Variants in KDM3A observed in about 807,000 individuals in gnomAD.
KDM3A encodes lysine-specific demethylase 3A.
KDM3A carries 60 observed loss-of-function variants against 158.0 expected under a neutral mutation model. That is an observed-to-expected ratio of 0.38 (90% CI 0.31 to 0.47). KDM3A has a LOEUF of 0.47. Ranked by LOEUF, KDM3A falls within the 20% of genes least tolerant of loss-of-function variation. The pLI, the probability that KDM3A is intolerant of heterozygous loss-of-function variation, is 0.99. For missense variants in KDM3A, 1,319 were observed against 1,574.3 expected (o/e 0.84, Z 2.74); for synonymous variants, 608 against 549.3 (o/e 1.11, Z -1.49).
chr2:86,486,058 A>G (rs563655057), intron 21 of KDM3A, among the ~76,000 whole-genome samples, 199 bp downstream of exon 21: 3 of 152,228 alleles, frequency 2.0e-5, no homozygotes, highest in Non-Finnish European at 4.4e-5. Flanking sequence ...GTTGTAGGGC[A>G]TATGCAATTT....
intron 8 of KDM3A, among the ~76,000 whole-genome samples, chr2:86,458,478 A>C (rs1421416344): frequency 1.3e-5 from 2 of 152,228 alleles, no homozygotes; most frequent in Non-Finnish European, 2.9e-5. Context: ...ACATCCATCC[A>C]AGAAACCATA....
chr2:86,440,308 T>C (rs950607648), upstream of KDM3A, among the ~76,000 whole-genome samples: 3 of 152,230 alleles, frequency 2.0e-5, no homozygotes, highest in Non-Finnish European at 4.4e-5. Context: ...GATTATACGT[T>C]TCCACGCTTG....
Position 86,466,356 on chromosome 2 carries a change from A to G in KDM3A, c.1008-16A>G, listed in dbSNP as rs753268629. ...AAAGAGGCCTGGATGCTAGCTTTCT[A>G]TATTATATTTTTCAGATGTCATAAA... On this transcript the variant is annotated splice_polypyrimidine_tract_variant and intron_variant, in intron 9 of 25. Transcript: ENST00000312912. The G allele has an allele frequency of 4.3e-5, 69 of 1,593,406 alleles. No individual in the cohort carries two copies. Among genetic ancestry groups the G allele is most frequent in the Non-Finnish European group, 5.0e-5 (59 of 1,171,078 alleles).
chr2:86,442,361 G>T, intron 2 of KDM3A, 128 bp downstream of exon 2: 1 of 865,106 alleles, frequency 1.2e-6, no homozygotes, highest in Non-Finnish European at 1.8e-6. Flanking sequence ...GAAGGTGCAG[G>T]AAGCTAGATC....
chr2:86,475,057 A>G (rs963856955), intron 12 of KDM3A, 67 bp downstream of exon 12: 14 of 1,254,394 alleles, frequency 1.1e-5, no homozygotes, highest in South Asian at 7.9e-5. Flanking sequence ...AGTGACACCT[A>G]AGTCCTAATT....
At position 86,466,418 on chromosome 2, in the gene KDM3A, A is replaced by T. The variant is rs993305252; in HGVS notation, c.1054A>T (p.Thr352Ser). 6.2e-7 allele frequency: 1 copy of T among 1,613,542 alleles called. No individual in the cohort carries two copies. Residue 352 changes from threonine to serine, a missense_variant, in exon 10 of 26, where the codon ACA (threonine) becomes TCA (serine). By Grantham distance (58) the Thr-to-Ser change is moderately conservative. This residue lies in a region of KDM3A where 652 missense variants were observed against 627.2 expected (regional missense o/e 1.04). Transcript: ENST00000312912. ...LPEEISSCLNTKSEALRTKPD... is the reference protein window; with the variant it reads ...LPEEISSCLNSKSEALRTKPD... The stretch of plus-strand genomic sequence containing the variant: ...AGAGGAAATTTCTTCCTGTCTAAAT[A>T]CAAAGTCTGAAGCTCTGAGAACAAA...
chr2:86,456,416 A>ATTTTT (rs11431031), intron 5 of KDM3A, 26 bp from the exon 6 acceptor site: 103 of 1,057,662 alleles, frequency 9.7e-5, no homozygotes, highest in South Asian at 4.2e-4. Flanking sequence ...TTGCTCTAAG[A>ATTTTT]TTTTTTTTTT....
At chr2:86,470,099 A>C (rs1468099801) in intron 10 of KDM3A, 105 bp from the exon 11 acceptor site, 26 of 830,512 alleles carry the variant, frequency 3.1e-5, no homozygotes, top group Non-Finnish European at 5.1e-5. Context: ...TTGAGAAGGG[A>C]GTTCTCTTTA....
chr2:86,480,249 G>A lies in KDM3A; in HGVS notation c.2399G>A (p.Gly800Glu), dbSNP rs757243990. The A allele has an allele frequency of 5.6e-6, 9 of 1,613,662 alleles. No individual in the cohort carries two copies. In the East Asian group the frequency reaches 2.0e-4, roughly 36 times the overall value. The change falls in exon 16 of 26, where the codon GGG (glycine) becomes GAG (glutamate). Residue 800 changes from glycine to glutamate, a missense_variant. Physicochemically the swap from Gly to Glu is moderately conservative, Grantham distance 98. This residue lies in a region of KDM3A where 368 missense variants were observed against 415.8 expected (regional missense o/e 0.89). Coordinates refer to ENST00000312912, the MANE Select transcript of KDM3A (RefSeq NM_018433.6). ...GTGTTGGAGCCAGCAGCTGTGGGTG[G>A]GGAAGCAGCCTCCAAGCCAGCCGGC... ...PSVLEPAAVG[G>E]EAASKPAGSM...
At chr2:86,440,086 T>C (rs1573125687), upstream of KDM3A, among the ~76,000 whole-genome samples, 8 of 152,240 alleles carry the variant, frequency 5.3e-5, no homozygotes, top group South Asian at 1.7e-3. Context: ...TTTGCTTATC[T>C]CGTTCCCATT....
rs1422328120 is a variant in KDM3A, at chr2:86,466,752, G to A, written c.1388G>A (p.Ser463Asn). Residue 463 changes from serine to asparagine, a missense_variant, in exon 10 of 26, where the codon AGC becomes AAC. Transcript: ENST00000312912. ...PEVKAGVNSD[S>N]PNNCSGKKVE... ...GTGAAAGCAGGTGTCAATAGTGATAGCCCTAATAACTGTTCAGGAAAAAAG... is the reference window on the plus strand; with the variant it reads ...GTGAAAGCAGGTGTCAATAGTGATAACCCTAATAACTGTTCAGGAAAAAAG... 6.2e-7 allele frequency: 1 copy of A among 1,613,730 alleles called. No individual in the cohort carries two copies. Among genetic ancestry groups the A allele is most frequent in the Admixed American group, 1.7e-5 (1 of 59,944 alleles).
chr2:86,472,853 C>T (rs1673480215), intron 11 of KDM3A, among the ~76,000 whole-genome samples: 1 of 152,186 alleles, frequency 6.6e-6, no homozygotes, highest in Non-Finnish European at 1.5e-5. Flanking sequence ...TCTAATTAGT[C>T]TATTGCCACC....
chr2:86,458,190 G>C (rs1441310403), intron 8 of KDM3A, among the ~76,000 whole-genome samples: 1 of 152,210 alleles, frequency 6.6e-6, no homozygotes, highest in African/African-American at 2.4e-5. Flanking sequence ...GCATCGACTA[G>C]AACCAAAGCT....
chr2:86,482,183 T>A, intron 17 of KDM3A, 81 bp downstream of exon 17: 1 of 1,452,148 alleles, frequency 6.9e-7, no homozygotes, highest in Non-Finnish European at 9.6e-7. Flanking sequence ...GAACTGAAAG[T>A]AGAAAGGAGA....
chr2:86,484,122 G>C lies in KDM3A; in HGVS notation c.3058G>C (p.Val1020Leu), dbSNP rs1674068957. 1 of 1,613,978 alleles carries C rather than the reference G, an allele frequency of 6.2e-7. No individual in the cohort carries two copies. The highest frequency in any genetic ancestry group is 1.1e-5 in the South Asian group (1 of 91,064). ...RTNEIITGAT[V>L]GDFWDGFEDV... is the part of the protein sequence containing the mutation. ...CAATGAAATCATCACAGGAGCCACA[G>C]TAGGAGACTTCTGGGATGGATTTGA... Residue 1020 changes from valine to leucine, a missense_variant, in exon 19 of 26, where the codon GTA (valine) becomes CTA (leucine). Physicochemically the swap from Val to Leu is conservative, Grantham distance 32. Transcript: ENST00000312912.
chr2:86,457,359 T>C (rs945194069), intron 8 of KDM3A, among the ~76,000 whole-genome samples: 12 of 152,200 alleles, frequency 7.9e-5, no homozygotes, highest in Middle Eastern at 6.8e-3. Context: ...GGTCTTGAAT[T>C]CCTGGGCTCA....
At chr2:86,491,772 C>G (rs955335978) in intron 25 of KDM3A, 1 of 410,642 alleles carries the variant, frequency 2.4e-6, no homozygotes, top group African/African-American at 2.0e-5. Context: ...TGGAACTTGC[C>G]TCTCCCTGTA....
chr2:86,478,244 ACACAGAT>A lies in KDM3A; in HGVS notation c.2170_2176del (p.Gln724PhefsTer16). ...ACATGAACCAGAGAACTTAATGCCC[ACACAGAT>A]CATTCCTGGAAAAGGTATTTCATGT... On this transcript the variant is annotated frameshift_variant, in exon 14 of 26. Coordinates refer to ENST00000312912, the MANE Select transcript of KDM3A (RefSeq NM_018433.6). LOFTEE classifies it high-confidence loss of function. 1 of 1,612,358 alleles carries A rather than the reference ACACAGAT, an allele frequency of 6.2e-7. No homozygotes were observed. Among genetic ancestry groups the A allele is most frequent in the Non-Finnish European group, 8.5e-7 (1 of 1,178,334 alleles).
intron 12 of KDM3A, 138 bp from the exon 13 acceptor site, chr2:86,477,739 A>T (rs1321656056): frequency 2.7e-6 from 2 of 729,830 alleles, no homozygotes; most frequent in Non-Finnish European, 4.4e-6. Flanking sequence ...GGGGTGGAGG[A>T]CAGCATTTGC....
Sources: allele counts gnomAD v4.1 joint callset (sites outside exome capture counted in the v4.1 genomes callset), GRCh38; gene constraint gnomAD v4.1.1; regional missense constraint gnomAD v4.1.1; transcripts MANE v1.5; gene names NCBI Gene and HGNC (gene_info 2026-07-23, HGNC 2026-07-21).